ZBTB37: variants seen among roughly 807,000 people sequenced by gnomAD.
ZBTB37 encodes zinc finger and BTB domain containing 37.
In ZBTB37, 15 loss-of-function variants were observed where a neutral mutation model predicts 37.7. The ratio of observed to expected loss-of-function variants is 0.40; its 90% CI spans 0.27 to 0.61. The LOEUF is 0.61. Among genes scored for constraint, ZBTB37 ranks in the 20% least tolerant of loss-of-function variants. ZBTB37 has a pLI of 0.44. For synonymous variants in ZBTB37, 231 were observed against 220.6 expected (o/e 1.05, Z -0.42); for missense variants, 514 against 641.9 (o/e 0.80, Z 2.15).
chr1:173,877,642 C>T (rs1656058684), intron 4 of ZBTB37, among the ~76,000 whole-genome samples: 1 of 152,086 alleles, frequency 6.6e-6, no homozygotes, highest in South Asian at 2.1e-4. Flanking sequence ...GTAATCCCAT[C>T]ACTTGGAAGA....
downstream of ZBTB37, chr1:173,886,660 T>C (rs941534056): frequency 3.2e-5 from 5 of 154,064 alleles, no homozygotes; most frequent in African/African-American, 1.2e-4. Context: ...CTGGTGGTTC[T>C]TATTTTGAAA....
At chr1:173,899,931 A>G (rs1657195051) in exon 4 of ZBTB37, 1 of 152,254 alleles carries the variant, frequency 6.6e-6, no homozygotes, top group African/African-American at 2.4e-5. Context: ...CAAAGTACAC[A>G]TAAATAAGCA....
chr1:173,873,832 G>A (rs1315465356), intron 4 of ZBTB37, among the ~76,000 whole-genome samples: 1 of 152,148 alleles, frequency 6.6e-6, no homozygotes, highest in Non-Finnish European at 1.5e-5. Context: ...AACACTGATA[G>A]CTGGTTTAAC....
At chr1:173,898,724 T>C (rs1032710412) in exon 4 of ZBTB37, 1 of 152,216 alleles carries the variant, frequency 6.6e-6, no homozygotes, top group East Asian at 1.9e-4. Context: ...CACCTAATCT[T>C]TAAATCCAGT....
At chr1:173,897,375 G>A (rs1246400048) in exon 4 of ZBTB37, 1 of 152,170 alleles carries the variant, frequency 6.6e-6, no homozygotes, top group Admixed American at 6.5e-5. Flanking sequence ...CCCACTTAAT[G>A]CAGCTTTTCT....
downstream of ZBTB37, chr1:173,888,329 T>C (rs140622022): frequency 2.4e-4 from 36 of 152,348 alleles, 1 homozygote; most frequent in African/African-American, 8.7e-4. Flanking sequence ...GTACAGATTA[T>C]GCTGCTTTGG....
chr1:173,871,382 T>G (rs904104425), intron 3 of ZBTB37, among the ~76,000 whole-genome samples: 1 of 152,166 alleles, frequency 6.6e-6, no homozygotes, highest in African/African-American at 2.4e-5. Flanking sequence ...GTTAGACACT[T>G]CCGTGAATCA....
exon 4 of ZBTB37, chr1:173,896,321 T>TTCCACTCTGGTATAA (rs1387890026): frequency 6.6e-6 from 1 of 152,222 alleles, no homozygotes; most frequent in Non-Finnish European, 1.5e-5. Flanking sequence ...GGATTCACAT[T>TTCCACTCTGGTATAA]TCCACTCTGG....
At chr1:173,892,563 A>T (rs1656882791) in exon 4 of ZBTB37, 1 of 151,678 alleles carries the variant, frequency 6.6e-6, no homozygotes, top group African/African-American at 2.4e-5. Context: ...ATATTGGTGC[A>T]GATTATTCAG....
At chr1:173,874,392 A>T (rs1415739348) in intron 4 of ZBTB37, among the ~76,000 whole-genome samples, 2 of 146,334 alleles carry the variant, frequency 1.4e-5, no homozygotes, top group Admixed American at 6.8e-5. Flanking sequence ...CCCAGGCTGG[A>T]GTGCATGGAG....
intron 4 of ZBTB37, 145 bp from the exon 5 acceptor site, chr1:173,885,491 T>C (rs1463725331): frequency 1.4e-6 from 1 of 694,726 alleles, no homozygotes; most frequent in African/African-American, 1.8e-5. Flanking sequence ...GTAATATCTT[T>C]ACTTTTTGGT....
downstream of ZBTB37, chr1:173,886,771 C>CT (rs1656643654): frequency 6.6e-6 from 1 of 152,526 alleles, no homozygotes; most frequent in Non-Finnish European, 1.5e-5. Flanking sequence ...ACAACATCAC[C>CT]TGAAGCACTT....
chr1:173,885,234 A>C (rs765212350), intron 4 of ZBTB37, among the ~76,000 whole-genome samples: 2 of 152,210 alleles, frequency 1.3e-5, no homozygotes, highest in Non-Finnish European at 2.9e-5. Flanking sequence ...GTCTCAAAAC[A>C]AAAACAAAAA....
chr1:173,878,968 G>C (rs957295303), intron 4 of ZBTB37, among the ~76,000 whole-genome samples: 7 of 151,774 alleles, frequency 4.6e-5, no homozygotes, highest in African/African-American at 1.7e-4. Flanking sequence ...GCGGGTGCCT[G>C]TAATCCCAGA....
intron 4 of ZBTB37, among the ~76,000 whole-genome samples, chr1:173,882,237 CTT>C (rs1160364347): frequency 0.038 from 3,328 of 87,516 alleles, 49 homozygotes; most frequent in African/African-American, 0.15. Flanking sequence ...ATGGTAGTTT[CTT>C]TTTTTTTTTT....
exon 4 of ZBTB37, chr1:173,897,885 T>C (rs567064833): frequency 1.3e-5 from 2 of 152,342 alleles, no homozygotes; most frequent in Admixed American, 6.5e-5. Flanking sequence ...TGTTCAGATA[T>C]CAATATTTAA....
At chr1:173,872,227 C>A (rs1655616835) in intron 3 of ZBTB37, among the ~76,000 whole-genome samples, 1 of 152,024 alleles carries the variant, frequency 6.6e-6, no homozygotes, top group Non-Finnish European at 1.5e-5. Flanking sequence ...TGCCCCCATG[C>A]TCAGCTAATT....
downstream of ZBTB37, chr1:173,891,635 T>C (rs1457554742): frequency 1.3e-5 from 2 of 152,112 alleles, no homozygotes; most frequent in Non-Finnish European, 2.9e-5. Flanking sequence ...TAAACAGAAA[T>C]CCTTGCAGGA....
downstream of ZBTB37, chr1:173,890,563 T>C (rs1008350418): frequency 1.3e-5 from 2 of 152,190 alleles, no homozygotes; most frequent in South Asian, 4.1e-4. Flanking sequence ...GTGAAAGAGT[T>C]TAAAATATTG....
Sources: gnomAD v4.1 joint callset for allele counts (sites outside exome capture counted in the v4.1 genomes callset) on GRCh38, gnomAD v4.1.1 for gene constraint, MANE v1.5 for transcripts, NCBI Gene and HGNC (gene_info 2026-07-23, HGNC 2026-07-21) for gene names.